Variants in MTR observed in about 807,000 individuals in gnomAD.
MTR encodes the protein methionine synthase.
Under a neutral mutation model 154.8 loss-of-function variants are expected in MTR, and 84 were observed. The ratio of observed to expected loss-of-function variants is 0.54; its 90% confidence interval spans 0.45 to 0.65. The LOEUF (loss-of-function observed/expected upper bound fraction) is 0.65, where lower values mean the gene tolerates loss of function less well. MTR is among the 30% of genes least tolerant of loss of function. The pLI is 0.00. For synonymous variants in MTR, 554 were observed against 553.9 expected (o/e 1.00, Z 0.00); for missense variants, 1,275 against 1,570.2 (o/e 0.81, Z 3.18).
intron 21 of MTR, 133 bp downstream of exon 21, chr1:236,862,476 C>T: frequency 1.4e-6 from 1 of 719,262 alleles, no homozygotes; most frequent in Admixed American, 2.2e-5. Context: ...GATCCCACAT[C>T]TCTCCCTTTT....
At chr1:236,869,581 G>A (rs915404837) in intron 22 of MTR, among the ~76,000 whole-genome samples, 22 of 152,172 alleles carry the variant, frequency 1.4e-4, no homozygotes, top group Admixed American at 5.9e-4. Flanking sequence ...CCTCCCATGT[G>A]GCGAAATACA....
Position 236,801,454 on chromosome 1 carries a change from G to A in MTR, c.35-1974G>A, listed in dbSNP as rs185739629. 5.3e-5 allele frequency among the ~76,000 whole-genome samples: 8 copies of A among 152,306 alleles called. No individual in the cohort carries two copies. In the East Asian group the frequency reaches 1.5e-3, roughly 29 times the overall value. On this transcript the variant is annotated intron_variant, in intron 1 of 32. Coordinates refer to ENST00000366577, the MANE Select transcript of MTR (RefSeq NM_000254.3). Reference sequence around the variant, plus strand: ...AAAATAGTTCTGTGACCACCATTTAGCCCCAGTTCTCATATTGTATACTTG... The same window carrying A: ...AAAATAGTTCTGTGACCACCATTTAACCCCAGTTCTCATATTGTATACTTG...
At chr1:236,872,714 C>T (rs918264520) in intron 22 of MTR, among the ~76,000 whole-genome samples, 3 of 152,078 alleles carry the variant, frequency 2.0e-5, no homozygotes, top group African/African-American at 4.8e-5. Flanking sequence ...TTATGCAGGC[C>T]GGGCACTGTG....
At chr1:236,867,458 A>G (rs1461931393) in intron 22 of MTR, among the ~76,000 whole-genome samples, 1 of 152,176 alleles carries the variant, frequency 6.6e-6, no homozygotes, top group Non-Finnish European at 1.5e-5. Context: ...ATTCTGATAG[A>G]GATATACAAG....
At chr1:236,870,998 G>GTC (rs1463492077) in intron 22 of MTR, among the ~76,000 whole-genome samples, 4 of 152,064 alleles carry the variant, frequency 2.6e-5, no homozygotes, top group Admixed American at 2.6e-4. Flanking sequence ...AGCCTAACCA[G>GTC]TCTCTCTGCT....
At chr1:236,832,643 G>A (rs1029185976) in intron 13 of MTR, among the ~76,000 whole-genome samples, 4 of 152,198 alleles carry the variant, frequency 2.6e-5, no homozygotes, top group Admixed American at 2.6e-4. Flanking sequence ...TAAGACTCCT[G>A]GATAGATTTT....
rs1227556943 is a variant in MTR, at chr1:236,900,039, T to G, written c.*2395T>G. 7.8e-6 allele frequency: 2 copies of G among 256,284 alleles called. No individual in the cohort carries two copies. Among genetic ancestry groups the G allele is most frequent in the African/African-American group, 4.5e-5 (2 of 44,694 alleles). The allele number at this position is 256,284 out of a possible 1,614,324, so 15.9% of individuals were successfully genotyped here. ...CAGACTTGAACATTTGCAGACGTTATGATCTTGCTTCCAACTCCCACCTGT... is the reference window on the plus strand; with the variant it reads ...CAGACTTGAACATTTGCAGACGTTAGGATCTTGCTTCCAACTCCCACCTGT... On this transcript the variant is annotated 3_prime_UTR_variant, in exon 33 of 33. Transcript: ENST00000366577.
intron 22 of MTR, among the ~76,000 whole-genome samples, chr1:236,866,067 A>T (rs763786555): frequency 1.4e-4 from 21 of 152,172 alleles, no homozygotes; most frequent in Non-Finnish European, 2.6e-4. Flanking sequence ...AGTTGTAAAC[A>T]AGTATAATGT....
chr1:236,859,317 G>T (rs775323681), intron 18 of MTR, among the ~76,000 whole-genome samples: 2 of 152,316 alleles, frequency 1.3e-5, no homozygotes, highest in Admixed American at 1.3e-4. Flanking sequence ...CCATTCATGG[G>T]GGCAGAGGGA....
Position 236,897,339 on chromosome 1 carries a change from CACACAT to C in MTR, c.3712-215_3712-210del, listed in dbSNP as rs199985312. ...ACACACACACACACACACACACACACACACATACAGCTTCTAAGCATCAGATGTTTA... is the reference window on the plus strand; with the variant it reads ...ACACACACACACACACACACACACACACAGCTTCTAAGCATCAGATGTTTA... On this transcript the variant is annotated intron_variant, in intron 32 of 32. Coordinates refer to ENST00000366577, the MANE Select transcript of MTR (RefSeq NM_000254.3). Among the ~76,000 whole-genome samples, 5,913 of 151,448 alleles carry C rather than the reference CACACAT, an allele frequency of 0.039. 342 individuals carry two copies. Among genetic ancestry groups the C allele is most frequent in the East Asian group, 0.18 (873 of 4,970 alleles).
intron 8 of MTR, chr1:236,819,591 G>A (rs1661804349): frequency 9.3e-6 from 4 of 427,940 alleles, no homozygotes; most frequent in South Asian, 4.0e-5. Context: ...GGGTCCATCC[G>A]GCGTTGTTCT....
At chr1:236,894,014 T>A (rs1444076573) in intron 29 of MTR, among the ~76,000 whole-genome samples, 2 of 152,148 alleles carry the variant, frequency 1.3e-5, no homozygotes. Flanking sequence ...TTTTTTTTTT[T>A]AAACCGTGAC....
chr1:236,806,443 G>A (rs1391231363), intron 3 of MTR, among the ~76,000 whole-genome samples: 1 of 152,192 alleles, frequency 6.6e-6, no homozygotes, highest in East Asian at 1.9e-4. Context: ...TTATGGGCAA[G>A]TAATAATCAA....
At chr1:236,805,633 A>C (rs1205104859) in intron 2 of MTR, among the ~76,000 whole-genome samples, 1 of 152,060 alleles carries the variant, frequency 6.6e-6, no homozygotes, top group Non-Finnish European at 1.5e-5. Flanking sequence ...AGCTGGGACT[A>C]CGGGCATGTG....
At chr1:236,812,305 C>A (rs1661349750) in intron 5 of MTR, among the ~76,000 whole-genome samples, 1 of 152,278 alleles carries the variant, frequency 6.6e-6, no homozygotes, top group East Asian at 1.9e-4. Context: ...AATCTGCGGG[C>A]TTGCAGCCCT....
At chr1:236,818,444 G>A (rs555750117) in intron 8 of MTR, among the ~76,000 whole-genome samples, 2 of 152,284 alleles carry the variant, frequency 1.3e-5, no homozygotes, top group East Asian at 3.9e-4. Flanking sequence ...ACCTCCAGGA[G>A]CCCCAAGATG....
chr1:236,873,951 G>C (rs1051876328), intron 23 of MTR, 111 bp downstream of exon 23: 2 of 1,088,524 alleles, frequency 1.8e-6, no homozygotes, highest in Non-Finnish European at 2.8e-6. Flanking sequence ...GGTTCTGTGG[G>C]ACATACAATC....
intron 15 of MTR, among the ~76,000 whole-genome samples, chr1:236,838,975 CAAT>C (rs1254214201): frequency 6.6e-6 from 1 of 152,116 alleles, no homozygotes; most frequent in African/African-American, 2.4e-5. Context: ...AACTATAACA[CAAT>C]GATATGTATT....
intron 18 of MTR, among the ~76,000 whole-genome samples, chr1:236,858,076 G>A (rs975211782): frequency 2.0e-5 from 3 of 152,202 alleles, no homozygotes; most frequent in Non-Finnish European, 4.4e-5. Context: ...GATGGCTGAA[G>A]CTTGTCGGGA....
Sources: allele counts gnomAD v4.1 joint callset (sites outside exome capture counted in the v4.1 genomes callset), GRCh38; gene constraint gnomAD v4.1.1; transcripts MANE v1.5; gene names NCBI Gene and HGNC (gene_info 2026-07-23, HGNC 2026-07-21).